BNC2: variants seen among roughly 807,000 people sequenced by gnomAD.
BNC2 encodes the protein basonuclin zinc finger protein 2.
Under a neutral mutation model 76.3 loss-of-function variants are expected in BNC2, and 20 were observed. The ratio of observed to expected loss-of-function variants is 0.26; its 90% CI spans 0.18 to 0.38. The LOEUF is 0.38. BNC2 is among the 10% of genes least tolerant of loss of function. BNC2 has a pLI of 1.00. For synonymous variants in BNC2, 582 were observed against 514.8 expected (o/e 1.13, Z -1.77); for missense variants, 1,382 against 1,399.8 (o/e 0.99, Z 0.20).
intron 1 of BNC2, among the ~76,000 whole-genome samples, chr9:16,848,802 G>C (rs760644935): frequency 6.6e-5 from 10 of 152,126 alleles, no homozygotes; most frequent in Admixed American, 2.6e-4. Flanking sequence ...CACACTTTTT[G>C]AGTACCAACA....
At chr9:16,456,421 C>A (rs1375838907) in intron 5 of BNC2, among the ~76,000 whole-genome samples, 2 of 151,594 alleles carry the variant, frequency 1.3e-5, no homozygotes, top group Non-Finnish European at 2.9e-5. Flanking sequence ...AAATCAGAGT[C>A]CTGGGAGGCT....
chr9:16,683,612 G>GCTCTA (rs1822888842), intron 3 of BNC2, among the ~76,000 whole-genome samples: 1 of 152,078 alleles, frequency 6.6e-6, no homozygotes. Context: ...AATTTAAAAA[G>GCTCTA]GACTAGGACA....
intron 3 of BNC2, among the ~76,000 whole-genome samples, chr9:16,669,088 G>C (rs565023133): frequency 6.6e-6 from 1 of 152,232 alleles, no homozygotes; most frequent in South Asian, 2.1e-4. Flanking sequence ...TGGGGACTGA[G>C]GAAGACTTAC....
intron 5 of BNC2, among the ~76,000 whole-genome samples, chr9:16,463,294 CTTTT>C (rs34855187): frequency 1.9e-5 from 2 of 105,644 alleles, no homozygotes; most frequent in African/African-American, 4.3e-5. Flanking sequence ...GTATTAAATT[CTTTT>C]TTTTTTTTTT....
At chr9:16,650,126 T>C (rs1408952168) in intron 3 of BNC2, among the ~76,000 whole-genome samples, 1 of 152,206 alleles carries the variant, frequency 6.6e-6, no homozygotes, top group Non-Finnish European at 1.5e-5. Context: ...AAAAGGACTC[T>C]GCCCTGAATA....
chr9:16,535,780 T>G (rs758329659), intron 5 of BNC2, among the ~76,000 whole-genome samples: 2 of 152,180 alleles, frequency 1.3e-5, no homozygotes, highest in Non-Finnish European at 2.9e-5. Context: ...GGCTTTGTAA[T>G]GTGACTGGCT....
chr9:16,707,767 G>A (rs1052428462), intron 3 of BNC2, among the ~76,000 whole-genome samples: 29 of 152,066 alleles, frequency 1.9e-4, no homozygotes, highest in African/African-American at 7.0e-4. Context: ...TCAGCCTCCT[G>A]AGTAGCTGGG....
chr9:16,650,735 T>C (rs552421567), intron 3 of BNC2, among the ~76,000 whole-genome samples: 5 of 152,280 alleles, frequency 3.3e-5, no homozygotes, highest in East Asian at 3.9e-4. Flanking sequence ...AAATATCTTA[T>C]AGAAGCTTCT....
intron 3 of BNC2, among the ~76,000 whole-genome samples, chr9:16,717,360 A>C (rs1824022809): frequency 6.6e-6 from 1 of 152,220 alleles, no homozygotes; most frequent in African/African-American, 2.4e-5. Context: ...AAAAATGGAA[A>C]TTTCTCAACT....
chr9:16,723,708 G>T (rs1457336223), intron 3 of BNC2, among the ~76,000 whole-genome samples: 1 of 151,996 alleles, frequency 6.6e-6, no homozygotes, highest in Non-Finnish European at 1.5e-5. Context: ...TAGTAAGAAA[G>T]TTTGCTTTTA....
At chr9:16,616,853 T>G (rs888242032) in intron 3 of BNC2, among the ~76,000 whole-genome samples, 19 of 93,688 alleles carry the variant, frequency 2.0e-4, no homozygotes, top group Non-Finnish European at 3.4e-4. Context: ...TACTGACACG[T>G]GGGAATTTCG....
intron 1 of BNC2, among the ~76,000 whole-genome samples, chr9:16,788,672 G>C (rs552681136): frequency 6.6e-6 from 1 of 151,824 alleles, no homozygotes; most frequent in African/African-American, 2.4e-5. Context: ...GTAGGATAAA[G>C]AGAAAAGGGA....
chr9:16,581,387 G>A (rs574768812), intron 4 of BNC2, among the ~76,000 whole-genome samples: 4 of 152,226 alleles, frequency 2.6e-5, no homozygotes, highest in Non-Finnish European at 4.4e-5. Flanking sequence ...GTGAAAACCC[G>A]TCTCTACTAA....
chr9:16,703,624 TAAG>T (rs1823578430), intron 3 of BNC2, among the ~76,000 whole-genome samples: 1 of 152,158 alleles, frequency 6.6e-6, no homozygotes, highest in African/African-American at 2.4e-5. Context: ...TATATATGTT[TAAG>T]AAGAACAAGC....
Position 16,482,014 on chromosome 9 carries a change from A to G in BNC2, c.670-44490T>C, listed in dbSNP as rs1055883146. Among the ~76,000 whole-genome samples, 4 of 152,356 alleles carry G rather than the reference A, an allele frequency of 2.6e-5. No homozygotes were observed. The East Asian group carries it at 7.7e-4, about 29-fold the overall frequency. ...GTATGTGTAATAAAATAAGTACTCA[A>G]TAAATGTTAGCTACAAACACATATA... is the stretch of plus-strand genomic sequence containing the variant. On this transcript the variant is annotated intron_variant, in intron 5 of 6. Transcript: ENST00000380672.
Position 16,611,919 on chromosome 9 carries a change from C to G in BNC2, c.331-28834G>C, listed in dbSNP as rs147971915. On this transcript the variant is annotated intron_variant, in intron 3 of 6. Coordinates refer to ENST00000380672, the MANE Select transcript of BNC2 (RefSeq NM_017637.6). ...AACTCGAGGAAGAACAAATATTCCT[C>G]CATATAAAAATAACCTAGTCTCTTT... 4.3e-3 allele frequency among the ~76,000 whole-genome samples: 659 copies of G among 152,192 alleles called. 3 individuals are homozygous for G. Among genetic ancestry groups the G allele is most frequent in the Non-Finnish European group, 6.5e-3 (445 of 67,990 alleles).
In BNC2 at chr9:16,480,393, G is replaced by T. The variant is rs187279127; in HGVS notation, c.670-42869C>A. 3.2e-4 allele frequency among the ~76,000 whole-genome samples: 48 copies of T among 152,314 alleles called. No individual in the cohort carries two copies. In the East Asian group the frequency reaches 9.3e-3, roughly 29 times the overall value. ...CACTCTCGGCGCCTCCTCTGCCTGG[G>T]CTCCCACTTTGGCGGCACTTGAGGA... On this transcript the variant is annotated intron_variant, in intron 5 of 6. Transcript: ENST00000380672.
intron 3 of BNC2, among the ~76,000 whole-genome samples, chr9:16,595,316 G>C (rs1820036115): frequency 1.3e-5 from 2 of 152,030 alleles, no homozygotes; most frequent in Admixed American, 6.6e-5. Context: ...TTAAAAGCAG[G>C]TATCAGCAAA....
At chr9:16,669,839 C>A (rs546867910) in intron 3 of BNC2, among the ~76,000 whole-genome samples, 1 of 152,152 alleles carries the variant, frequency 6.6e-6, no homozygotes, top group Admixed American at 6.5e-5. Flanking sequence ...GAAGCAAAAA[C>A]GTGTTAGAAA....
Sources: allele counts gnomAD v4.1 joint callset (sites outside exome capture counted in the v4.1 genomes callset), GRCh38; gene constraint gnomAD v4.1.1; transcripts MANE v1.5; gene names NCBI Gene and HGNC (gene_info 2026-07-23, HGNC 2026-07-21).